The following STK3 variants were observed in gnomAD, a reference collection of about 807,000 sequenced individuals.
STK3 encodes serine/threonine kinase 3.
In STK3, 41 loss-of-function variants were observed where a neutral mutation model predicts 58.0. That is an observed-to-expected ratio of 0.71 (90% CI 0.55 to 0.92). The LOEUF (loss-of-function observed/expected upper bound fraction) is 0.92, where lower values mean the gene tolerates loss of function less well. Ranked by LOEUF, STK3 falls within the 40% of genes least tolerant of loss-of-function variation. The pLI, the probability that STK3 is intolerant of heterozygous loss-of-function variation, is 0.00. For missense variants in STK3, 479 were observed against 602.7 expected, an observed-to-expected ratio of 0.79 and a Z score of 2.15; for synonymous variants, 170 against 191.0, an observed-to-expected ratio of 0.89 and a Z score of 0.91.
At chr8:98,598,192 T>C (rs900424480) in intron 6 of STK3, 1 of 985,276 alleles carries the variant, frequency 1.0e-6, no homozygotes, top group Admixed American at 6.2e-5. Context: ...ATGATTTATG[T>C]CCTTGAAGCC....
chr8:98,650,914 C>G (rs1820861170), intron 6 of STK3, among the ~76,000 whole-genome samples: 1 of 152,230 alleles, frequency 6.6e-6, no homozygotes, highest in Non-Finnish European at 1.5e-5. Context: ...GGAGGAAGGG[C>G]ACAGACAAAC....
intron 3 of STK3, among the ~76,000 whole-genome samples, chr8:98,836,667 T>A (rs903863672): frequency 6.6e-6 from 1 of 152,246 alleles, no homozygotes; most frequent in South Asian, 2.1e-4. Flanking sequence ...CTGTATCAGA[T>A]TGGACCTTGA....
At chr8:98,914,492 A>ACACTCT (rs1554701657) in intron 1 of STK3, among the ~76,000 whole-genome samples, 167 of 136,380 alleles carry the variant, frequency 1.2e-3, no homozygotes, top group South Asian at 3.5e-3. Context: ...ACACACACAC[A>ACACTCT]CTCTCTCTCT....
intron 1 of STK3, among the ~76,000 whole-genome samples, chr8:98,929,866 C>T (rs1297960105): frequency 6.6e-6 from 1 of 152,156 alleles, no homozygotes; most frequent in African/African-American, 2.4e-5. Flanking sequence ...ACCTTCAGAA[C>T]TTTGTAGCTG....
At chr8:98,817,602 A>C (rs1834638247) in intron 1 of STK3, among the ~76,000 whole-genome samples, 1 of 152,172 alleles carries the variant, frequency 6.6e-6, no homozygotes, top group Admixed American at 6.5e-5. Flanking sequence ...ATAGATATCC[A>C]AACCTGTTCT....
At chr8:98,694,881 G>A (rs935441199) in intron 6 of STK3, among the ~76,000 whole-genome samples, 50 of 152,182 alleles carry the variant, frequency 3.3e-4, no homozygotes, top group Non-Finnish European at 5.6e-4. Context: ...TGGGATGGCT[G>A]GGTCAAATGG....
intron 3 of STK3, among the ~76,000 whole-genome samples, chr8:98,864,285 A>G (rs560413678): frequency 2.6e-5 from 4 of 152,152 alleles, no homozygotes; most frequent in African/African-American, 9.6e-5. Flanking sequence ...CTACTGTCTA[A>G]AACATGGGAG....
chr8:98,792,892 C>CTGTGTGTG (rs1299614188), intron 1 of STK3, among the ~76,000 whole-genome samples: 21 of 98,236 alleles, frequency 2.1e-4, no homozygotes, highest in African/African-American at 8.8e-4. Flanking sequence ...GATAAAGAGA[C>CTGTGTGTG]TGTATGTGTG....
At chr8:98,712,976 A>G (rs935711165) in intron 4 of STK3, among the ~76,000 whole-genome samples, 3 of 152,230 alleles carry the variant, frequency 2.0e-5, no homozygotes, top group African/African-American at 7.2e-5. Context: ...CAGGATTAAG[A>G]AACTCACTCA....
chr8:98,527,473 A>T (rs1825835410), intron 9 of STK3, among the ~76,000 whole-genome samples: 1 of 152,032 alleles, frequency 6.6e-6, no homozygotes, highest in African/African-American at 2.4e-5. Context: ...ACAAAAAATT[A>T]GCCAGGTGTG....
intron 6 of STK3, chr8:98,597,492 A>G (rs1427482933): frequency 1.0e-6 from 1 of 985,244 alleles, no homozygotes; most frequent in Non-Finnish European, 1.2e-6. Context: ...CTTTCAATCA[A>G]ACAAATATTT....
chr8:98,401,770 G>C (rs758878407), intron 3 of STK3, among the ~76,000 whole-genome samples: 1 of 152,046 alleles, frequency 6.6e-6, no homozygotes, highest in African/African-American at 2.4e-5. Context: ...GTTGCTCTGG[G>C]AACCCACATT....
chr8:98,622,429 G>C (rs1249751247), intron 6 of STK3, among the ~76,000 whole-genome samples: 1 of 152,032 alleles, frequency 6.6e-6, no homozygotes, highest in African/African-American at 2.4e-5. Flanking sequence ...ATTTCCTACA[G>C]CTAGACTATA....
intron 2 of STK3, among the ~76,000 whole-genome samples, chr8:98,371,902 A>G (rs1169306108): frequency 6.6e-6 from 1 of 152,158 alleles, no homozygotes; most frequent in Non-Finnish European, 1.5e-5. Context: ...CCCTAGTACC[A>G]GTGGAAAGTG....
At chr8:98,832,244 G>GA (rs756031604) in intron 3 of STK3, among the ~76,000 whole-genome samples, 1,784 of 125,800 alleles carry the variant, frequency 0.014, 15 homozygotes, top group East Asian at 0.066. Flanking sequence ...TCCTTTTCGT[G>GA]AAAAAAAAAA....
chr8:98,738,397 T>C (rs978070195), intron 4 of STK3, among the ~76,000 whole-genome samples: 3 of 152,060 alleles, frequency 2.0e-5, no homozygotes, highest in Admixed American at 2.0e-4. Flanking sequence ...CACTTGAATC[T>C]GGGAGGCGGA....
rs180827886 is a variant in STK3 at position 98,900,905 on chromosome 8, G to A, written c.-78-17071C>T. On this transcript the variant is annotated intron_variant, in intron 1 of 1. Coordinates refer to the STK3 transcript ENST00000519420. ...TCGAACTCCTGGCCTCAAGTGATCC[G>A]CCTGCCTCGGCTTCCTAAAGTGCTG... Among the ~76,000 whole-genome samples, 154 of 152,058 alleles carry A rather than the reference G, an allele frequency of 1.0e-3. No individual in the cohort carries two copies. In the South Asian group the frequency reaches 0.016, roughly 16 times the overall value.
intron 3 of STK3, among the ~76,000 whole-genome samples, chr8:98,751,449 T>C (rs1185935492): frequency 6.6e-6 from 1 of 152,134 alleles, no homozygotes; most frequent in African/African-American, 2.4e-5. Context: ...CTAGCATTCC[T>C]ATATACCAAC....
chr8:98,779,682 A>T (rs1831954993), intron 1 of STK3, among the ~76,000 whole-genome samples: 2 of 152,344 alleles, frequency 1.3e-5, no homozygotes, highest in South Asian at 4.1e-4. Flanking sequence ...AATCTGAAAC[A>T]TTTATGGTCC....
Sources: allele counts gnomAD v4.1 joint callset (sites outside exome capture counted in the v4.1 genomes callset), GRCh38; gene constraint gnomAD v4.1.1; transcripts MANE v1.5; gene names NCBI Gene and HGNC (gene_info 2026-07-23, HGNC 2026-07-21).